Variants in CREB5 observed in about 807,000 individuals in gnomAD.
CREB5 encodes the protein cAMP responsive element binding protein 5.
Under a neutral mutation model 57.1 loss-of-function variants are expected in CREB5, and 19 were observed. The observed-to-expected ratio is 0.33, with a 90% confidence interval of 0.23 to 0.49. The LOEUF (loss-of-function observed/expected upper bound fraction) is 0.49. Among genes scored for constraint, CREB5 ranks in the 20% least tolerant of loss-of-function variants. CREB5 has a pLI of 0.99. For missense variants in CREB5, 579 were observed against 671.6 expected (o/e 0.86, Z 1.52); for synonymous variants, 238 against 238.3 (o/e 1.00, Z 0.01).
At chr7:28,375,280 G>A (rs1343799092) in intron 1 of CREB5, among the ~76,000 whole-genome samples, 1 of 152,114 alleles carries the variant, frequency 6.6e-6, no homozygotes, top group Non-Finnish European at 1.5e-5. Context: ...AACATTGCAC[G>A]TTCTCACTTA....
At position 28,488,317 on chromosome 7, in the gene CREB5, G is replaced by T. The variant is rs1791661344; in HGVS notation, c.75+71G>T. On this transcript the variant is annotated intron_variant, in intron 2 of 10. Transcript: ENST00000357727. ...CCGAAAGGGAAGCAACTCTCACCCG[G>T]CAATCATGCCTGCCCTGGGCTTTCC... 1.2e-5 allele frequency: 17 copies of T among 1,406,752 alleles called. No individual in the cohort carries two copies. In the South Asian group the frequency reaches 1.9e-4, roughly 16 times the overall value. The allele number at this position is 1,406,752 out of a possible 1,614,324, so 87.1% of individuals were successfully genotyped here. A position where few individuals can be genotyped will look rare whatever the true frequency, so the allele number is the denominator to read the frequency against.
intron 9 of CREB5, among the ~76,000 whole-genome samples, chr7:28,811,296 C>A (rs1184628993): frequency 1.3e-5 from 2 of 152,126 alleles, no homozygotes; most frequent in Admixed American, 1.3e-4. Context: ...AGTCAAGCCA[C>A]CAGAGAAATG....
intron 5 of CREB5, among the ~76,000 whole-genome samples, chr7:28,618,334 T>G (rs1003579176): frequency 6.6e-6 from 1 of 152,158 alleles, no homozygotes; most frequent in Non-Finnish European, 1.5e-5. Context: ...CTTTAAAAAT[T>G]TCCCTCATTT....
intron 5 of CREB5, chr7:28,685,986 G>A: frequency 1.5e-6 from 1 of 647,930 alleles, no homozygotes. Flanking sequence ...GAGAAAGAGA[G>A]CAAGTGAGCG....
chr7:28,656,955 A>C (rs1406110243), intron 5 of CREB5, among the ~76,000 whole-genome samples: 1 of 152,138 alleles, frequency 6.6e-6, no homozygotes, highest in Non-Finnish European at 1.5e-5. Context: ...CAGCCAACTC[A>C]CAGGACAATA....
intron 1 of CREB5, among the ~76,000 whole-genome samples, chr7:28,413,597 T>C (rs1169446132): frequency 6.6e-6 from 1 of 152,178 alleles, no homozygotes; most frequent in Non-Finnish European, 1.5e-5. Flanking sequence ...CTATTTTTAA[T>C]GTAAATTGCT....
intron 5 of CREB5, among the ~76,000 whole-genome samples, chr7:28,631,368 G>T (rs954021452): frequency 6.6e-6 from 1 of 152,184 alleles, no homozygotes; most frequent in South Asian, 2.1e-4. Flanking sequence ...AATACCAGCT[G>T]TGTGGCCTTG....
At chr7:28,638,092 C>A (rs1798495056) in intron 5 of CREB5, among the ~76,000 whole-genome samples, 1 of 152,060 alleles carries the variant, frequency 6.6e-6, no homozygotes, top group Non-Finnish European at 1.5e-5. Context: ...ATGGTCTCTC[C>A]TGGATTTTTC....
intron 1 of CREB5, among the ~76,000 whole-genome samples, chr7:28,444,843 G>C (rs1431523155): frequency 1.3e-5 from 2 of 152,216 alleles, no homozygotes; most frequent in Non-Finnish European, 2.9e-5. Context: ...CCATAGCAGA[G>C]TGGGGATGTG....
chr7:28,785,017 A>G (rs527867397), intron 7 of CREB5, among the ~76,000 whole-genome samples: 1 of 152,302 alleles, frequency 6.6e-6, no homozygotes, highest in African/African-American at 2.4e-5. Flanking sequence ...ATTCTTCAGC[A>G]TTGTTCGTCA....
intron 1 of CREB5, among the ~76,000 whole-genome samples, chr7:28,349,501 T>C (rs531393735): frequency 3.7e-4 from 57 of 152,130 alleles, no homozygotes; most frequent in African/African-American, 1.4e-3. Context: ...ATGGCATTGA[T>C]TTCAGGAGAA....
At chr7:28,732,334 A>G (rs769706538) in intron 7 of CREB5, among the ~76,000 whole-genome samples, 1 of 152,070 alleles carries the variant, frequency 6.6e-6, no homozygotes, top group African/African-American at 2.4e-5. Context: ...CAGCACGCGC[A>G]TTGCTGGGTC....
chr7:28,720,568 G>T (rs1003994139), intron 6 of CREB5, among the ~76,000 whole-genome samples: 1 of 152,148 alleles, frequency 6.6e-6, no homozygotes, highest in African/African-American at 2.4e-5. Context: ...CGAAGGGCCC[G>T]CAGACTCAGT....
chr7:28,712,505 C>CAA lies in CREB5; in HGVS notation c.465-6236_465-6235dup, dbSNP rs1276322556. ...CCTAGGCAACAAGAGTGAAACTCCTCAAAAAAAAAAAAAGAGAATTTATTA... is the reference window on the plus strand; with the variant it reads ...CCTAGGCAACAAGAGTGAAACTCCTCAAAAAAAAAAAAAAAGAGAATTTATTA... On this transcript the variant is annotated intron_variant, in intron 5 of 10. Transcript: ENST00000357727. Among the ~76,000 whole-genome samples the CAA allele has an allele frequency of 6.1e-3, 448 of 73,262 alleles. 2 individuals carry two copies. The highest frequency in any genetic ancestry group is 0.021 in the African/African-American group (408 of 19,438). 48.1% of individuals were successfully genotyped at this position (73,262 alleles called of 152,430 possible).
rs1470092942 is a variant in CREB5 at position 28,593,977 on chromosome 7, T to C, written c.464+23440T>C. 3.3e-5 allele frequency among the ~76,000 whole-genome samples: 5 copies of C among 152,226 alleles called. No homozygotes were observed. The South Asian group carries it at 1.0e-3, about 31-fold the overall frequency. ...TAACCACTGGTGGGTGAAGAGGCTC[T>C]GCTGAGCCCCTGACTTTGGGTTCCT... is the stretch of plus-strand genomic sequence containing the variant. On this transcript the variant is annotated intron_variant, in intron 5 of 10. Coordinates refer to ENST00000357727, the MANE Select transcript of CREB5 (RefSeq NM_182898.4).
chr7:28,475,549 T>C lies in CREB5; in HGVS notation c.4-12626T>C, dbSNP rs139338573. Among the ~76,000 whole-genome samples the C allele has an allele frequency of 5.1e-3, 770 of 151,654 alleles. 9 individuals are homozygous for C. The highest frequency in any genetic ancestry group is 0.018 in the African/African-American group (733 of 41,294). On this transcript the variant is annotated intron_variant, in intron 1 of 10. Coordinates refer to ENST00000357727, the MANE Select transcript of CREB5 (RefSeq NM_182898.4). ...AGAAAATGTAGTGTACTAAGGAAAA[T>C]GTAATAATGAAAAGAAGATTTGGCT...
chr7:28,422,404 A>G (rs1788307477), intron 1 of CREB5, among the ~76,000 whole-genome samples: 1 of 152,184 alleles, frequency 6.6e-6, no homozygotes, highest in Non-Finnish European at 1.5e-5. Context: ...TATTATAGGA[A>G]GAGTTTCTAG....
chr7:28,795,995 T>C (rs1197121591), intron 7 of CREB5, among the ~76,000 whole-genome samples: 1 of 152,120 alleles, frequency 6.6e-6, no homozygotes, highest in Non-Finnish European at 1.5e-5. Flanking sequence ...TCAAGTGATC[T>C]GCCTGCCTTT....
chr7:28,763,810 A>AT (rs111457525), intron 7 of CREB5, among the ~76,000 whole-genome samples: 22 of 149,032 alleles, frequency 1.5e-4, no homozygotes, highest in Admixed American at 3.3e-4. Context: ...TATTATTATT[A>AT]TTTTTTTTTG....
Sources: gnomAD v4.1 joint callset for allele counts (sites outside exome capture counted in the v4.1 genomes callset) on GRCh38, gnomAD v4.1.1 for gene constraint, MANE v1.5 for transcripts, NCBI Gene and HGNC (gene_info 2026-07-23, HGNC 2026-07-21) for gene names.